Variants in CABCOCO1 observed in about 807,000 individuals in gnomAD.
The protein encoded by CABCOCO1 is ciliary associated calcium binding coiled-coil 1.
A neutral mutation model predicts 35.7 loss-of-function variants in CABCOCO1; 28 were observed. That is an observed-to-expected ratio of 0.78 (90% confidence interval 0.58 to 1.07). The LOEUF is 1.07. Ranked by LOEUF, CABCOCO1 falls within the 50% of genes least tolerant of loss-of-function variation. CABCOCO1 has a pLI of 0.00. For missense variants in CABCOCO1, 326 were observed against 309.2 expected, an observed-to-expected ratio of 1.05 and a Z score of -0.41; for synonymous variants, 95 against 100.1, an observed-to-expected ratio of 0.95 and a Z score of 0.30.
intron 5 of CABCOCO1, among the ~76,000 whole-genome samples, chr10:61,747,501 C>A (rs115088786): frequency 2.2e-4 from 33 of 152,092 alleles, no homozygotes; most frequent in African/African-American, 8.0e-4. Context: ...TACTAGCAAT[C>A]TGAAATATGT....
At position 61,716,169 on chromosome 10, in the gene CABCOCO1, T is replaced by C. The variant is rs182859708; in HGVS notation, c.552+25548T>C. Reference sequence around the variant, plus strand: ...TTAATATTCAATATATTTTTTTCTGTATTTCCTATAATGCCAAAACATGAC... The same window carrying C: ...TTAATATTCAATATATTTTTTTCTGCATTTCCTATAATGCCAAAACATGAC... On this transcript the variant is annotated intron_variant, in intron 5 of 7. Coordinates refer to ENST00000648843, the MANE Select transcript of CABCOCO1 (RefSeq NM_001366906.2). 1.1e-3 allele frequency among the ~76,000 whole-genome samples: 171 copies of C among 152,318 alleles called. 1 individual carries two copies. The highest frequency in any genetic ancestry group is 3.9e-3 in the African/African-American group (162 of 41,576).
At chr10:61,764,520 T>C (rs1842069327) in intron 7 of CABCOCO1, among the ~76,000 whole-genome samples, 1 of 152,024 alleles carries the variant, frequency 6.6e-6, no homozygotes, top group Non-Finnish European at 1.5e-5. Context: ...ATCCAGGTGG[T>C]GAAATGACTT....
chr10:61,665,573 C>G (rs965205920), intron 1 of CABCOCO1, among the ~76,000 whole-genome samples: 3 of 151,998 alleles, frequency 2.0e-5, no homozygotes, highest in African/African-American at 4.8e-5. Flanking sequence ...CATATAGTGA[C>G]TTTTTTTAAT....
intron 5 of CABCOCO1, among the ~76,000 whole-genome samples, chr10:61,756,091 C>T (rs112364005): frequency 1.1e-4 from 16 of 151,942 alleles, no homozygotes; most frequent in Admixed American, 2.0e-4. Flanking sequence ...AGATACATAA[C>T]GTTTGGCAAT....
intron 5 of CABCOCO1, among the ~76,000 whole-genome samples, chr10:61,698,921 C>T (rs1840365886): frequency 1.3e-5 from 2 of 152,094 alleles, no homozygotes; most frequent in African/African-American, 4.8e-5. Flanking sequence ...GCAACTGAAG[C>T]ACAGCTATAA....
At chr10:61,749,444 C>T (rs1009218096) in intron 5 of CABCOCO1, among the ~76,000 whole-genome samples, 1 of 152,210 alleles carries the variant, frequency 6.6e-6, no homozygotes, top group African/African-American at 2.4e-5. Context: ...TTTATGCACG[C>T]AATGCTTTTT....
At chr10:61,676,924 C>A (rs529747108) in intron 2 of CABCOCO1, among the ~76,000 whole-genome samples, 2 of 151,798 alleles carry the variant, frequency 1.3e-5, no homozygotes, top group African/African-American at 4.8e-5. Flanking sequence ...TTTAGCCGAG[C>A]GTGGTGGCAG....
intron 5 of CABCOCO1, among the ~76,000 whole-genome samples, chr10:61,724,625 G>T (rs1212625669): frequency 2.0e-5 from 3 of 152,146 alleles, no homozygotes; most frequent in Non-Finnish European, 2.9e-5. Flanking sequence ...AGATGGGAAG[G>T]CCTTTGAAAA....
At chr10:61,675,247 A>G (rs1839477704) in intron 2 of CABCOCO1, among the ~76,000 whole-genome samples, 1 of 152,170 alleles carries the variant, frequency 6.6e-6, no homozygotes, top group African/African-American at 2.4e-5. Flanking sequence ...CGTTATTCCC[A>G]GAGAAAAAGT....
At chr10:61,728,064 T>G (rs1462045139) in intron 5 of CABCOCO1, among the ~76,000 whole-genome samples, 2 of 152,210 alleles carry the variant, frequency 1.3e-5, no homozygotes, top group Non-Finnish European at 2.9e-5. Flanking sequence ...TTTTTAGATA[T>G]AATTTCAAAG....
chr10:61,748,263 T>C (rs1052514265), intron 5 of CABCOCO1, among the ~76,000 whole-genome samples: 1 of 152,200 alleles, frequency 6.6e-6, no homozygotes, highest in African/African-American at 2.4e-5. Context: ...ACTACAATTA[T>C]TTCCTACATT....
intron 7 of CABCOCO1, among the ~76,000 whole-genome samples, chr10:61,765,672 C>T (rs1287885597): frequency 6.6e-6 from 1 of 152,220 alleles, no homozygotes; most frequent in African/African-American, 2.4e-5. Flanking sequence ...ATTATCCTAT[C>T]TTCCAACACA....
rs1842116265 is a variant in CABCOCO1 at position 61,766,623 on chromosome 10, TTTG to T, written c.*613_*615del. Reference sequence around the variant, plus strand: ...GCACTTTAATTTATTCTGTACTGTATTTGTTATTTCTAATCTTGTTACTCTCCC... The same window carrying T: ...GCACTTTAATTTATTCTGTACTGTATTTATTTCTAATCTTGTTACTCTCCC... On this transcript the variant is annotated 3_prime_UTR_variant, in exon 8 of 8. Coordinates refer to ENST00000648843, the MANE Select transcript of CABCOCO1 (RefSeq NM_001366906.2). 6.6e-6 allele frequency: 1 copy of T among 152,160 alleles called. No homozygotes were observed. The highest frequency in any genetic ancestry group is 2.4e-5 in the African/African-American group (1 of 41,438). 9.4% of individuals were successfully genotyped at this position (152,160 alleles called of 1,614,324 possible). A position where few individuals can be genotyped will look rare whatever the true frequency, so the allele number is the denominator to read the frequency against.
At chr10:61,669,020 G>GAAAAAAA (rs200867627) in intron 1 of CABCOCO1, among the ~76,000 whole-genome samples, 5 of 102,504 alleles carry the variant, frequency 4.9e-5, no homozygotes, top group Admixed American at 1.3e-4. Flanking sequence ...AAGGGTTGGG[G>GAAAAAAA]AAAAAAAAAA....
rs147002438 is a variant in CABCOCO1 at position 61,760,177 on chromosome 10, T to C, written c.671T>C (p.Met224Thr). The change falls in exon 6 of 8, where the codon ATG becomes ACG. Residue 224 changes from methionine to threonine, a missense_variant. Transcript: ENST00000648843. ...IEPPTILDTE[M>T]KRLDQEQGPE... ...CCCCCCACAATATTGGATACGGAAA[T>C]GAAGGTATATTTCTTTTTGTCTTTC... is the stretch of plus-strand genomic sequence containing the variant. 6.6e-5 allele frequency: 106 copies of C among 1,610,984 alleles called. No individual in the cohort carries two copies. In the African/African-American group the frequency reaches 1.4e-3, roughly 21 times the overall value.
At chr10:61,761,213 A>G (rs1842002966) in intron 7 of CABCOCO1, among the ~76,000 whole-genome samples, 1 of 151,916 alleles carries the variant, frequency 6.6e-6, no homozygotes, top group Non-Finnish European at 1.5e-5. Flanking sequence ...AGTGTGGTGC[A>G]TGTTATCAGT....
At chr10:61,758,150 C>A (rs1218063071) in intron 5 of CABCOCO1, among the ~76,000 whole-genome samples, 1 of 152,076 alleles carries the variant, frequency 6.6e-6, no homozygotes, top group African/African-American at 2.4e-5. Context: ...ACGTCTCACT[C>A]ATCCCCACCA....
chr10:61,726,896 G>GA (rs947127512), intron 5 of CABCOCO1, among the ~76,000 whole-genome samples: 1,223 of 88,620 alleles, frequency 0.014, 9 homozygotes, highest in Middle Eastern at 0.028. Context: ...CGTCTCTACA[G>GA]AAAAAAAAAA....
chr10:61,683,030 A>T (rs1231797475), intron 3 of CABCOCO1, among the ~76,000 whole-genome samples: 1 of 151,908 alleles, frequency 6.6e-6, no homozygotes, highest in Non-Finnish European at 1.5e-5. Flanking sequence ...AGCTGGGACT[A>T]CAGGCATGCG....
Sources: gnomAD v4.1 joint callset for allele counts (sites outside exome capture counted in the v4.1 genomes callset) on GRCh38, gnomAD v4.1.1 for gene constraint, MANE v1.5 for transcripts, NCBI Gene and HGNC (gene_info 2026-07-23, HGNC 2026-07-21) for gene names.